GALNS: variants seen among roughly 807,000 people sequenced by gnomAD.
GALNS encodes the protein galactosamine (N-acetyl)-6-sulfatase, also known as N-acetylgalactosamine-6-sulfatase.
GALNS carries 65 observed loss-of-function variants against 65.9 expected under a neutral mutation model. The observed-to-expected ratio is 0.99, with a 90% CI of 0.81 to 1.21. The LOEUF (loss-of-function observed/expected upper bound fraction) is 1.21. Among genes scored for constraint, GALNS ranks in the 50% most tolerant of loss-of-function variants. GALNS has a pLI of 0.00. For missense variants in GALNS, 776 were observed against 700.7 expected (o/e 1.11, Z -1.21); for synonymous variants, 346 against 288.9 (o/e 1.20, Z -2.00).
chr16:88,847,627 C>G (rs1044572591), intron 1 of GALNS, among the ~76,000 whole-genome samples: 1 of 152,228 alleles, frequency 6.6e-6, no homozygotes. Flanking sequence ...CGGAGAGAGG[C>G]TCACTTTGGT....
intron 1 of GALNS, among the ~76,000 whole-genome samples, chr16:88,852,148 A>C (rs144307299): frequency 2.6e-3 from 396 of 152,326 alleles, no homozygotes; most frequent in African/African-American, 8.5e-3. Context: ...CCCCTCTGGG[A>C]CAAAGCTTCC....
intron 9 of GALNS, among the ~76,000 whole-genome samples, chr16:88,829,029 GA>G (rs1911215222): frequency 2.2e-5 from 2 of 91,682 alleles, no homozygotes; most frequent in African/African-American, 6.9e-5. Flanking sequence ...CGCGGGTCCC[GA>G]GTCTCACGCC....
intron 13 of GALNS, chr16:88,816,657 G>A (rs1214945840): frequency 2.6e-5 from 26 of 985,236 alleles, no homozygotes; most frequent in Admixed American, 1.2e-4. Flanking sequence ...CCCGATGGCC[G>A]GTGCTCTCCT....
At chr16:88,824,664 G>A in intron 11 of GALNS, 103 bp downstream of exon 11, 1 of 936,606 alleles carries the variant, frequency 1.1e-6, no homozygotes, top group Non-Finnish European at 1.7e-6. Flanking sequence ...TGGAGTTCCT[G>A]CCTGTCTCAC....
intron 8 of GALNS, among the ~76,000 whole-genome samples, chr16:88,832,309 G>A (rs1370911284): frequency 6.6e-6 from 1 of 152,194 alleles, no homozygotes; most frequent in East Asian, 1.9e-4. Flanking sequence ...AGAAAGTGGG[G>A]ACATCATGCC....
intron 5 of GALNS, among the ~76,000 whole-genome samples, chr16:88,837,175 C>T (rs1039689133): frequency 2.0e-5 from 3 of 152,176 alleles, no homozygotes; most frequent in South Asian, 2.1e-4. Flanking sequence ...CCCCCACGCC[C>T]GGGCACCAGG....
At chr16:88,856,458 G>A (rs1967890877) in intron 1 of GALNS, 2 of 700,412 alleles carry the variant, frequency 2.9e-6, no homozygotes, top group Non-Finnish European at 5.2e-6. Context: ...CACCTGCCAG[G>A]GAGGACGCTG....
intron 1 of GALNS, chr16:88,843,334 G>C: frequency 1.5e-6 from 1 of 669,732 alleles, no homozygotes; most frequent in African/African-American, 1.9e-5. Context: ...ACTCCTAGCT[G>C]TACACCCAAG....
In GALNS at chr16:88,831,863, C is replaced by A; in HGVS notation, c.1002+135G>T. On this transcript the variant is annotated intron_variant, in intron 9 of 13. Coordinates refer to ENST00000268695, the MANE Select transcript of GALNS (RefSeq NM_000512.5). ...GCATGGGGTGCGTGGAGGCTGAGCA[C>A]AGGGTGCGTGGGGAGGAGAGCGGTG... The A allele has an allele frequency of 4.0e-6, 3 of 745,108 alleles. No individual in the cohort carries two copies. In the South Asian group the frequency reaches 4.5e-5, roughly 11 times the overall value. The allele number at this position is 745,108 out of a possible 1,614,324, so 46.2% of individuals were successfully genotyped here. A position where few individuals can be genotyped will look rare whatever the true frequency, so the allele number is the denominator to read the frequency against.
intron 1 of GALNS, among the ~76,000 whole-genome samples, chr16:88,854,229 C>T (rs899837447): frequency 5.9e-5 from 9 of 152,220 alleles, no homozygotes; most frequent in African/African-American, 2.2e-4. Flanking sequence ...GCCGAATGAC[C>T]TGTTGCAGGT....
intron 1 of GALNS, among the ~76,000 whole-genome samples, chr16:88,848,702 C>A (rs912358112): frequency 6.6e-6 from 1 of 152,172 alleles, no homozygotes; most frequent in Non-Finnish European, 1.5e-5. Context: ...GAAGCAGCAG[C>A]CTCGGGGCCT....
At chr16:88,823,132 C>T in intron 11 of GALNS, among the ~76,000 whole-genome samples, 1 of 152,094 alleles carries the variant, frequency 6.6e-6, no homozygotes, top group Non-Finnish European at 1.5e-5. Flanking sequence ...TTTTAACAGC[C>T]TACTCTCTGC....
chr16:88,853,706 C>G (rs149369543), intron 1 of GALNS, among the ~76,000 whole-genome samples: 34 of 152,304 alleles, frequency 2.2e-4, no homozygotes, highest in African/African-American at 7.9e-4. Flanking sequence ...GAGTGGGCCA[C>G]GCAGGTTTCC....
At chr16:88,837,492 G>T in intron 5 of GALNS, 130 bp downstream of exon 5, 1 of 928,454 alleles carries the variant, frequency 1.1e-6, no homozygotes, top group Non-Finnish European at 1.7e-6. Context: ...AGCCCTCGGT[G>T]CCCGGGGACC....
At chr16:88,823,907 G>A (rs1184965979) in intron 11 of GALNS, among the ~76,000 whole-genome samples, 1 of 152,312 alleles carries the variant, frequency 6.6e-6, no homozygotes, top group South Asian at 2.1e-4. Flanking sequence ...TGACAGTGCT[G>A]GGTAAAACCC....
intron 1 of GALNS, among the ~76,000 whole-genome samples, chr16:88,848,933 C>CG (rs1003997392): frequency 2.6e-5 from 4 of 152,208 alleles, no homozygotes; most frequent in Admixed American, 6.5e-5. Context: ...CCCCGGTGGA[C>CG]GGCAGGCTAC....
Position 88,837,780 on chromosome 16 carries a change from C to A in GALNS, c.423-15G>T. 2 of 1,613,646 alleles carry A rather than the reference C, an allele frequency of 1.2e-6. No individual in the cohort carries two copies. The highest frequency in any genetic ancestry group is 1.7e-6 in the Non-Finnish European group (2 of 1,179,860). On this transcript the variant is annotated splice_polypyrimidine_tract_variant and intron_variant, in intron 4 of 13. Coordinates refer to ENST00000268695, the MANE Select transcript of GALNS (RefSeq NM_000512.5). ...GACCCAGATGCCTGGAAACAGGAACCCAGGACACTTCAGGGACCCCACGTG... is the reference window on the plus strand; with the variant it reads ...GACCCAGATGCCTGGAAACAGGAACACAGGACACTTCAGGGACCCCACGTG...
At chr16:88,826,507 A>C (rs1294881746) in intron 10 of GALNS, among the ~76,000 whole-genome samples, 195 bp downstream of exon 10, 1 of 152,100 alleles carries the variant, frequency 6.6e-6, no homozygotes, top group East Asian at 1.9e-4. Flanking sequence ...GGACCCTCCC[A>C]GGATGGCCCC....
intron 9 of GALNS, among the ~76,000 whole-genome samples, chr16:88,829,235 C>T (rs1464093434): frequency 6.6e-6 from 1 of 151,740 alleles, no homozygotes; most frequent in Non-Finnish European, 1.5e-5. Flanking sequence ...CGGCCACTCC[C>T]TGCAGGTGCC....
Sources: gnomAD v4.1 joint callset for allele counts (sites outside exome capture counted in the v4.1 genomes callset) on GRCh38, gnomAD v4.1.1 for gene constraint, MANE v1.5 for transcripts, NCBI Gene and HGNC (gene_info 2026-07-23, HGNC 2026-07-21) for gene names.